CYFIP1: variants seen among roughly 807,000 people sequenced by gnomAD.
CYFIP1 encodes the protein cytoplasmic FMR1 interacting protein 1.
CYFIP1 carries 58 observed loss-of-function variants against 163.5 expected under a neutral mutation model. The observed-to-expected ratio is 0.35, with a 90% CI of 0.29 to 0.44. CYFIP1 has a LOEUF of 0.44. CYFIP1 is among the 20% of genes least tolerant of loss of function. CYFIP1 has a pLI of 1.00. For synonymous variants in CYFIP1, 663 were observed against 660.7 expected, an observed-to-expected ratio of 1.00 and a Z score of -0.05; for missense variants, 1,338 against 1,653.8, an observed-to-expected ratio of 0.81 and a Z score of 3.31.
chr15:22,878,907 C>T (rs1374117452), intron 26 of CYFIP1, among the ~76,000 whole-genome samples: 19 of 152,078 alleles, frequency 1.2e-4, no homozygotes, highest in African/African-American at 4.3e-4. Context: ...GAGACCAAGG[C>T]GGGTGGATCA....
chr15:22,909,997 G>A (rs139365532), intron 20 of CYFIP1, among the ~76,000 whole-genome samples: 1 of 151,184 alleles, frequency 6.6e-6, no homozygotes, highest in Non-Finnish European at 1.5e-5. Flanking sequence ...CTGCCCCCAG[G>A]AGCCGCAGGG....
Position 22,892,907 on chromosome 15 carries a change from A to G in CYFIP1, c.2659T>C (p.Tyr887His), listed in dbSNP as rs774728324. ...GAGCCTACCTTGGATCCATGCAGAT[A>G]CTGAGGCTGTGCATTAGGCTGCTTA... ...RDKQPNAQPQYLHGSKALNLA... is the reference protein window; with the variant it reads ...RDKQPNAQPQHLHGSKALNLA... The change falls in exon 23 of 31, where the codon TAT becomes CAT. Residue 887 changes from tyrosine to histidine, a missense_variant. By Grantham distance (83) the Tyr-to-His change is moderately conservative (BLOSUM62 2). Around this residue, in one of 4 missense-constraint regions of CYFIP1, gnomAD observed 824 missense variants for 995.7 expected, o/e 0.83. Coordinates refer to ENST00000617928, the MANE Select transcript of CYFIP1 (RefSeq NM_014608.6). The G allele has an allele frequency of 1.2e-5, 20 of 1,612,816 alleles. No individual in the cohort carries two copies. The highest frequency in any genetic ancestry group is 1.7e-5 in the Admixed American group (1 of 60,028).
At chr15:22,939,382 C>T in intron 7 of CYFIP1, 29 bp downstream of exon 7, 1 of 1,614,016 alleles carries the variant, frequency 6.2e-7, no homozygotes, top group Non-Finnish European at 8.5e-7. Flanking sequence ...CTTGGCCCAT[C>T]AACCTGAGTG....
intron 1 of CYFIP1, among the ~76,000 whole-genome samples, chr15:22,979,485 G>A (rs2063393491): frequency 6.6e-6 from 1 of 152,042 alleles, no homozygotes; most frequent in South Asian, 2.1e-4. Context: ...AGTCCCCAGC[G>A]GCGACCACGC....
intron 21 of CYFIP1, among the ~76,000 whole-genome samples, chr15:22,905,719 C>A (rs1379278705): frequency 1.3e-5 from 2 of 149,398 alleles, no homozygotes; most frequent in South Asian, 4.3e-4. Flanking sequence ...ATTATAGGAG[C>A]GAGCCACCGA....
intron 1 of CYFIP1, among the ~76,000 whole-genome samples, chr15:22,976,176 G>C (rs1307672010): frequency 7.4e-6 from 1 of 134,418 alleles, no homozygotes; most frequent in Non-Finnish European, 1.6e-5. Context: ...TTTTTTTTTT[G>C]AGACGGAGTC....
Position 22,944,849 on chromosome 15 carries a change from G to A in CYFIP1, c.285+13C>T. ...GGTGTGGCTGGAGGGGAAGAGCCAGGCGAGCGTGGCACCTGTGGGATGGCC... is the reference window on the plus strand; with the variant it reads ...GGTGTGGCTGGAGGGGAAGAGCCAGACGAGCGTGGCACCTGTGGGATGGCC... On this transcript the variant is annotated intron_variant, in intron 4 of 30. Coordinates refer to ENST00000617928, the MANE Select transcript of CYFIP1 (RefSeq NM_014608.6). The A allele has an allele frequency of 6.2e-7, 1 of 1,612,880 alleles. No homozygotes were observed. The highest frequency in any genetic ancestry group is 8.5e-7 in the Non-Finnish European group (1 of 1,179,576).
Position 22,933,953 on chromosome 15 carries a change from G to C in CYFIP1, c.901-60C>G, listed in dbSNP as rs62011563. ...GTATATTTAGTCACCAAATACATAA[G>C]CACAAGGAAACTGACTAATGCTAAT... On this transcript the variant is annotated intron_variant, in intron 9 of 30. Transcript: ENST00000617928. The C allele has an allele frequency of 2.4e-6, 3 of 1,232,934 alleles. No homozygotes were observed. The African/African-American group carries it at 4.5e-5, about 18-fold the overall frequency. The allele number at this position is 1,232,934 out of a possible 1,614,324, so 76.4% of individuals were successfully genotyped here. A position where few individuals can be genotyped will look rare whatever the true frequency, so the allele number is the denominator to read the frequency against.
Position 22,870,070 on chromosome 15 carries a change from G to A in CYFIP1, c.3720C>T (p.Arg1240=), listed in dbSNP as rs1235941870. ...DGEGTPVEHV[R]CFQPPIHQSL... is the part of the protein sequence containing the mutation. ...ACTGGTGGATGGGCGGCTGGAAGCA[G>A]CGCACATGCTCCACTGGCGTGCCCT... The change falls in exon 31 of 31, where the codon CGC becomes CGT. Residue 1240 remains arginine, a synonymous_variant. Coordinates refer to ENST00000617928, the MANE Select transcript of CYFIP1 (RefSeq NM_014608.6). 1.2e-6 allele frequency: 2 copies of A among 1,612,086 alleles called. No homozygotes were observed. The highest frequency in any genetic ancestry group is 1.7e-6 in the Non-Finnish European group (2 of 1,179,352).
chr15:22,936,697 G>A (rs1363936999), intron 9 of CYFIP1, among the ~76,000 whole-genome samples: 1 of 152,104 alleles, frequency 6.6e-6, no homozygotes, highest in Non-Finnish European at 1.5e-5. Context: ...CTGTTTGGAC[G>A]CGCCAAAACT....
intron 17 of CYFIP1, among the ~76,000 whole-genome samples, chr15:22,912,740 C>G (rs554598156): frequency 6.6e-6 from 1 of 151,766 alleles, no homozygotes; most frequent in Non-Finnish European, 1.5e-5. Context: ...CTGGGCAATA[C>G]GGCAATACTG....
chr15:22,980,246 C>G (rs1051976552), intron 1 of CYFIP1, 41 bp downstream of exon 1: 1 of 151,456 alleles, frequency 6.6e-6, no homozygotes, highest in Non-Finnish European at 1.5e-5. Context: ...CCGGACCCCG[C>G]GGAGGCCGCA....
chr15:22,906,155 G>A (rs2060572043), intron 21 of CYFIP1, among the ~76,000 whole-genome samples: 1 of 151,148 alleles, frequency 6.6e-6, no homozygotes, highest in East Asian at 2.0e-4. Flanking sequence ...TGCCTAGGCT[G>A]GAGTGCAATG....
rs2059324269 is a variant in CYFIP1, at chr15:22,868,683, C to G, written c.*1345G>C. The stretch of plus-strand genomic sequence containing the variant: ...TGTAACAGGATGGTTCGTACACTTA[C>G]TACTTTTCTGTGCCGTGCATCATAT... On this transcript the variant is annotated 3_prime_UTR_variant, in exon 31 of 31. Transcript: ENST00000617928. The G allele has an allele frequency of 1.3e-5, 2 of 151,898 alleles. No homozygotes were observed. Among genetic ancestry groups the G allele is most frequent in the Admixed American group, 1.3e-4 (2 of 15,266 alleles). The allele number at this position is 151,898 out of a possible 1,614,324, so 9.4% of individuals were successfully genotyped here. A position where few individuals can be genotyped will look rare whatever the true frequency, so the allele number is the denominator to read the frequency against.
chr15:22,961,492 C>T (rs780560349), intron 1 of CYFIP1, among the ~76,000 whole-genome samples: 3 of 152,174 alleles, frequency 2.0e-5, no homozygotes, highest in Admixed American at 6.5e-5. Flanking sequence ...GATCCTCCCA[C>T]CTCAGCCCCC....
chr15:22,918,035 C>T (rs1008999609), intron 14 of CYFIP1, 100 bp from the exon 15 acceptor site: 1 of 1,364,534 alleles, frequency 7.3e-7, no homozygotes. Flanking sequence ...CTCAGAACAG[C>T]CCCCATGAAA....
chr15:22,871,324 G>A (rs965814291), intron 30 of CYFIP1, among the ~76,000 whole-genome samples: 3 of 152,176 alleles, frequency 2.0e-5, no homozygotes, highest in Non-Finnish European at 4.4e-5. Context: ...GATGGAAAAA[G>A]TTCAGTTAAG....
rs2061920109 is a variant in CYFIP1 at position 22,942,466 on chromosome 15, T to TGTCACCGAACGCCGGTCGGCAGCGC, written c.569+706_569+707insGCGCTGCCGACCGGCGTTCGGTGAC. ...TGTCACCAAACGCCGGTCGGCAGCG[T>TGTCACCGAACGCCGGTCGGCAGCGC]GCCAAGTGTCACCGAACGCCGGTCG... On this transcript the variant is annotated intron_variant, in intron 6 of 30. Transcript: ENST00000617928. Among the ~76,000 whole-genome samples, 592 of 151,764 alleles carry TGTCACCGAACGCCGGTCGGCAGCGC rather than the reference T, an allele frequency of 3.9e-3. 15 individuals carry two copies. Among genetic ancestry groups the TGTCACCGAACGCCGGTCGGCAGCGC allele is most frequent in the African/African-American group, 0.014 (567 of 41,422 alleles).
rs772354098 is a variant in CYFIP1 at position 22,943,292 on chromosome 15, C to T, written c.450G>A (p.Lys150=). The change falls in exon 6 of 31, where the codon AAG becomes AAA. Residue 150 remains lysine, a synonymous_variant. Coordinates refer to ENST00000617928, the MANE Select transcript of CYFIP1 (RefSeq NM_014608.6). Reference sequence around the variant, plus strand: ...TCAGGTAGGCTTCTGACACGAAGTCCTTCCTCCTCTCGGCATGGCACAGGC... The same window carrying T: ...TCAGGTAGGCTTCTGACACGAAGTCTTTCCTCCTCTCGGCATGGCACAGGC... ...VRRLCHAERR[K]DFVSEAYLIT... 3 of 1,614,096 alleles carry T rather than the reference C, an allele frequency of 1.9e-6. No individual in the cohort carries two copies. The highest frequency in any genetic ancestry group is 2.7e-5 in the African/African-American group (2 of 74,928).
Sources: allele counts gnomAD v4.1 joint callset (sites outside exome capture counted in the v4.1 genomes callset), GRCh38; gene constraint gnomAD v4.1.1; regional missense constraint gnomAD v4.1.1; transcripts MANE v1.5; gene names NCBI Gene and HGNC (gene_info 2026-07-23, HGNC 2026-07-21).